PHF24: variants seen among roughly 807,000 people sequenced by gnomAD.
PHF24 encodes PHD finger protein 24, also known as Galpha inhibitory interacting protein.
Under a neutral mutation model 42.6 loss-of-function variants are expected in PHF24, and 25 were observed. The observed-to-expected ratio is 0.59, with a 90% confidence interval of 0.43 to 0.82. PHF24 has a LOEUF of 0.82. Among genes scored for constraint, PHF24 ranks in the 40% least tolerant of loss-of-function variants. The probability of loss-of-function intolerance (pLI) is 0.00; values close to 1 mark genes in which losing one functional copy is unlikely to be tolerated. For missense variants in PHF24, 470 were observed against 538.1 expected (o/e 0.87, Z 1.25); for synonymous variants, 185 against 204.8 (o/e 0.90, Z 0.83).
the PHF24 span, among the ~76,000 whole-genome samples, chr9:34,886,560 T>A: frequency 6.6e-6 from 1 of 152,216 alleles, no homozygotes; most frequent in Non-Finnish European, 1.5e-5. Context: ...GCTTCCAGTA[T>A]GACACTCTTC....
the PHF24 span, among the ~76,000 whole-genome samples, chr9:34,873,698 G>C: frequency 1.5e-4 from 22 of 148,932 alleles, no homozygotes; most frequent in Non-Finnish European, 2.4e-4. Flanking sequence ...GCTCTTTTTT[G>C]GTTCCATATG....
the PHF24 span, chr9:34,691,375 C>A: frequency 6.0e-6 from 3 of 501,624 alleles, no homozygotes; most frequent in Non-Finnish European, 7.1e-6. Flanking sequence ...TGTTGCCCCC[C>A]TCTTTCTGGC....
chr9:34,698,232 CT>C, the PHF24 span, among the ~76,000 whole-genome samples: 1 of 149,238 alleles, frequency 6.7e-6, no homozygotes, highest in Non-Finnish European at 1.5e-5. Flanking sequence ...GGGTGGGGGG[CT>C]GGGGGATCCT....
chr9:34,847,831 AG>A, the PHF24 span, among the ~76,000 whole-genome samples: 3 of 152,184 alleles, frequency 2.0e-5, no homozygotes, highest in Non-Finnish European at 2.9e-5. Context: ...ATTTTGTCAA[AG>A]ACCTTTTCTG....
At chr9:34,673,372 GGA>G in the PHF24 span, among the ~76,000 whole-genome samples, 1 of 150,992 alleles carries the variant, frequency 6.6e-6, no homozygotes, top group South Asian at 2.1e-4. Flanking sequence ...AAAAAAGAGA[GGA>G]ATTGAGGTAA....
the PHF24 span, among the ~76,000 whole-genome samples, chr9:34,692,454 T>C: frequency 1.3e-5 from 2 of 152,108 alleles, no homozygotes; most frequent in Non-Finnish European, 2.9e-5. Flanking sequence ...TACTGGAGCA[T>C]GATTTGGACC....
chr9:34,848,624 A>G, the PHF24 span, among the ~76,000 whole-genome samples: 1 of 151,020 alleles, frequency 6.6e-6, no homozygotes, highest in African/African-American at 2.4e-5. Context: ...GATTTTAGTT[A>G]TTTCTTGCCT....
the PHF24 span, among the ~76,000 whole-genome samples, chr9:34,932,461 T>A: frequency 3.9e-5 from 6 of 152,204 alleles, no homozygotes; most frequent in South Asian, 2.1e-4. Context: ...TAATTACCTC[T>A]TAGTTACTTT....
At chr9:34,895,078 G>A in the PHF24 span, 18 of 398,284 alleles carry the variant, frequency 4.5e-5, no homozygotes, top group African/African-American at 4.1e-5. Context: ...TGGACTCTTC[G>A]GTGACACTTA....
the PHF24 span, among the ~76,000 whole-genome samples, chr9:34,793,143 C>T: frequency 6.6e-6 from 1 of 151,890 alleles, no homozygotes; most frequent in Non-Finnish European, 1.5e-5. Flanking sequence ...GGGTATACTA[C>T]CATATTGTCT....
the PHF24 span, among the ~76,000 whole-genome samples, chr9:34,905,830 TTAAC>T: frequency 6.6e-6 from 1 of 152,366 alleles, no homozygotes; most frequent in East Asian, 1.9e-4. Flanking sequence ...TTGATCTTAA[TTAAC>T]TGAGTTTTAG....
the PHF24 span, among the ~76,000 whole-genome samples, chr9:34,689,398 A>G: frequency 2.6e-5 from 4 of 151,858 alleles, no homozygotes; most frequent in African/African-American, 9.7e-5. The surrounding 1 kb of genome is among the most constrained non-coding windows in gnomAD (Gnocchi z 4.1). Context: ...ACAGAAGAGA[A>G]AATAGATCCT....
At chr9:34,918,325 C>T in the PHF24 span, 7 of 880,518 alleles carry the variant, frequency 7.9e-6, no homozygotes, top group African/African-American at 9.9e-5. Context: ...TGTCGAGCCC[C>T]TCCTAGTTCT....
At chr9:34,696,260 G>A in the PHF24 span, among the ~76,000 whole-genome samples, 18 of 152,178 alleles carry the variant, frequency 1.2e-4, no homozygotes, top group African/African-American at 4.1e-4. Flanking sequence ...GGCTGTGGGG[G>A]GCAGATCACT....
chr9:34,735,659 C>T, the PHF24 span, among the ~76,000 whole-genome samples: 6 of 150,266 alleles, frequency 4.0e-5, no homozygotes, highest in Non-Finnish European at 5.9e-5. Flanking sequence ...ATTAGCTGGG[C>T]GCGGTGGCAG....
chr9:34,716,869 A>G, the PHF24 span, among the ~76,000 whole-genome samples: 6 of 152,174 alleles, frequency 3.9e-5, no homozygotes, highest in South Asian at 2.1e-4. Context: ...TCAGCCTTCC[A>G]AAGTACTGGG....
At chr9:34,922,947 A>C in the PHF24 span, 4 of 1,379,490 alleles carry the variant, frequency 2.9e-6, no homozygotes, top group Non-Finnish European at 4.0e-6. Flanking sequence ...CAGTGGTCTC[A>C]CCTTGTGTCG....
the PHF24 span, among the ~76,000 whole-genome samples, chr9:34,687,969 G>T: frequency 6.6e-6 from 1 of 152,206 alleles, no homozygotes; most frequent in Non-Finnish European, 1.5e-5. Context: ...ATGCATGGAT[G>T]CATGAATGGA....
the PHF24 span, among the ~76,000 whole-genome samples, chr9:34,855,811 T>C: frequency 6.6e-6 from 1 of 152,208 alleles, no homozygotes; most frequent in Non-Finnish European, 1.5e-5. Flanking sequence ...AATTTGAATG[T>C]TGGCCTGTCT....
Sources: gnomAD v4.1 joint callset for allele counts (sites outside exome capture counted in the v4.1 genomes callset) on GRCh38, gnomAD v4.1.1 for gene constraint, Gnocchi (gnomAD v3.1) non-coding constraint, MANE v1.5 for transcripts, NCBI Gene and HGNC (gene_info 2026-07-23, HGNC 2026-07-21) for gene names.